PTPRZ1: variants seen among roughly 807,000 people sequenced by gnomAD.
PTPRZ1 encodes the protein receptor-type tyrosine-protein phosphatase zeta.
Under a neutral mutation model 214.1 loss-of-function variants are expected in PTPRZ1, and 82 were observed. That is an observed-to-expected ratio of 0.38 (90% CI 0.32 to 0.46). The LOEUF (loss-of-function observed/expected upper bound fraction) is 0.46. PTPRZ1 is among the 20% of genes least tolerant of loss of function. The pLI, the probability that PTPRZ1 is intolerant of heterozygous loss-of-function variation, is 1.00. For missense variants in PTPRZ1, 2,603 were observed against 2,748.7 expected (o/e 0.95, Z 1.19); for synonymous variants, 945 against 987.9 (o/e 0.96, Z 0.81).
At chr7:121,905,998 A>C (rs1326129423) in intron 1 of PTPRZ1, among the ~76,000 whole-genome samples, 1 of 152,212 alleles carries the variant, frequency 6.6e-6, no homozygotes, top group Non-Finnish European at 1.5e-5. Context: ...CCTTGACTGC[A>C]TGAGAGATTG....
chr7:121,985,400 G>T (rs552254367), intron 8 of PTPRZ1, among the ~76,000 whole-genome samples: 64 of 152,170 alleles, frequency 4.2e-4, no homozygotes, highest in Admixed American at 1.8e-3. Context: ...ACCCTTCACT[G>T]GTTCTGCATC....
intron 1 of PTPRZ1, among the ~76,000 whole-genome samples, chr7:121,903,831 ATATGGCACATAG>A (rs1019371831): frequency 1.3e-5 from 2 of 152,182 alleles, no homozygotes; most frequent in African/African-American, 4.8e-5. Flanking sequence ...ATGAAGAAAG[ATATGGCACATAG>A]TATACATTCT....
intron 2 of PTPRZ1, among the ~76,000 whole-genome samples, chr7:121,967,679 T>A (rs1797085400): frequency 6.6e-6 from 1 of 152,192 alleles, no homozygotes; most frequent in South Asian, 2.1e-4. Context: ...AAAAAGAAGA[T>A]GTTGTAGACT....
intron 27 of PTPRZ1, among the ~76,000 whole-genome samples, chr7:122,056,268 T>C (rs1272450790): frequency 1.3e-5 from 2 of 151,814 alleles, no homozygotes; most frequent in African/African-American, 4.8e-5. Flanking sequence ...ATGTTTAATA[T>C]CTTGCTCAGC....
At chr7:121,905,493 A>G (rs1346472472) in intron 1 of PTPRZ1, among the ~76,000 whole-genome samples, 3 of 152,214 alleles carry the variant, frequency 2.0e-5, no homozygotes, top group African/African-American at 7.2e-5. Context: ...GAGCATGAGC[A>G]TGAGAATCAT....
At chr7:121,989,127 A>G (rs937651486) in intron 8 of PTPRZ1, among the ~76,000 whole-genome samples, 1 of 152,220 alleles carries the variant, frequency 6.6e-6, no homozygotes, top group African/African-American at 2.4e-5. Context: ...AAGATTTATT[A>G]TGTAATAATT....
At chr7:121,995,879 G>A (rs1400980105) in intron 8 of PTPRZ1, among the ~76,000 whole-genome samples, 3 of 152,154 alleles carry the variant, frequency 2.0e-5, no homozygotes, top group Admixed American at 2.0e-4. Context: ...GAGAAATTAA[G>A]TCATCATGAG....
chr7:121,994,214 G>A (rs1337703917), intron 8 of PTPRZ1, among the ~76,000 whole-genome samples: 1 of 146,010 alleles, frequency 6.8e-6, no homozygotes, highest in South Asian at 2.2e-4. Context: ...TCCTTTGGAT[G>A]TTTTGCAATG....
At chr7:122,041,718 A>G (rs909499457) in intron 21 of PTPRZ1, among the ~76,000 whole-genome samples, 12 of 152,208 alleles carry the variant, frequency 7.9e-5, no homozygotes, top group African/African-American at 2.9e-4. Context: ...TATGTGAAGT[A>G]TTGTTATCAA....
chr7:122,034,259 G>A (rs755319037), intron 16 of PTPRZ1, 23 bp from the exon 17 acceptor site: 2 of 1,602,320 alleles, frequency 1.2e-6, no homozygotes, highest in East Asian at 4.5e-5. Context: ...GTGTTAAAAT[G>A]ATTTACATAT....
In PTPRZ1 at chr7:121,943,831, G is replaced by A. The variant is rs140530955; in HGVS notation, c.124+15610G>A. On this transcript the variant is annotated intron_variant, in intron 2 of 29. Transcript: ENST00000393386. The stretch of plus-strand genomic sequence containing the variant: ...ATACTGCAGATCTGAGGAGCCAAAC[G>A]TTGCAGTGTCTAGACTCTAGGTCAA... Among the ~76,000 whole-genome samples, 254 of 152,248 alleles carry A rather than the reference G, an allele frequency of 1.7e-3. 3 individuals carry two copies. In the South Asian group the frequency reaches 0.021, roughly 13 times the overall value.
At chr7:122,059,077 C>A in intron 28 of PTPRZ1, 135 bp downstream of exon 28, 2 of 871,008 alleles carry the variant, frequency 2.3e-6, no homozygotes, top group Non-Finnish European at 3.3e-6. Flanking sequence ...TGCATCTTAT[C>A]AATAAAGTTA....
At chr7:121,895,623 G>A (rs1794763897) in intron 1 of PTPRZ1, among the ~76,000 whole-genome samples, 1 of 152,038 alleles carries the variant, frequency 6.6e-6, no homozygotes, top group Admixed American at 6.6e-5. Context: ...GAATCTTCTA[G>A]TGTTACACAC....
intron 1 of PTPRZ1, among the ~76,000 whole-genome samples, chr7:121,917,998 A>T (rs1397177141): frequency 6.6e-6 from 1 of 152,104 alleles, no homozygotes; most frequent in Non-Finnish European, 1.5e-5. Context: ...AATTTATTAT[A>T]GTAAATGTGC....
chr7:121,924,376 T>C (rs1795693063), intron 1 of PTPRZ1, among the ~76,000 whole-genome samples: 1 of 152,130 alleles, frequency 6.6e-6, no homozygotes, highest in Non-Finnish European at 1.5e-5. Flanking sequence ...ATCTCATCTA[T>C]CAGACCTCTA....
intron 2 of PTPRZ1, among the ~76,000 whole-genome samples, chr7:121,934,384 T>C (rs917904601): frequency 6.9e-6 from 1 of 144,650 alleles, no homozygotes; most frequent in Non-Finnish European, 1.5e-5. Context: ...ATCATTAACC[T>C]ACAGACTGAC....
chr7:122,009,457 TA>T (rs56259188), intron 11 of PTPRZ1, among the ~76,000 whole-genome samples: 131,445 of 142,136 alleles, frequency 0.92, 60,872 homozygotes, highest in Non-Finnish European at 0.97. Context: ...CCACATGAAC[TA>T]AAAAAAAAAA....
At position 121,965,747 on chromosome 7, in the gene PTPRZ1, C is replaced by T. The variant is rs992472254; in HGVS notation, c.125-2204C>T. On this transcript the variant is annotated intron_variant, in intron 2 of 29. Coordinates refer to ENST00000393386, the MANE Select transcript of PTPRZ1 (RefSeq NM_002851.3). ...AAATTTTGGGAGCCAAGTCATAATT[C>T]CACTTACTACATAGGTGGTACTACT... Among the ~76,000 whole-genome samples, 4 of 152,096 alleles carry T rather than the reference C, an allele frequency of 2.6e-5. No homozygotes were observed. The East Asian group carries it at 5.8e-4, about 22-fold the overall frequency.
rs890834573 is a variant in PTPRZ1, at chr7:122,011,276, G to C, written c.2230G>C (p.Val744Leu). 1.4e-5 allele frequency: 22 copies of C among 1,613,836 alleles called. No homozygotes were observed. The highest frequency in any genetic ancestry group is 1.8e-5 in the Non-Finnish European group (21 of 1,179,948). Reference sequence around the variant, plus strand: ...GGATTTGGTCTCCACGGTCAACGTGGTATACTCGCAGACAACCCAACCGGT... The same window carrying C: ...GGATTTGGTCTCCACGGTCAACGTGCTATACTCGCAGACAACCCAACCGGT... ...QQDLVSTVNV[V>L]YSQTTQPVYN... The change falls in exon 12 of 30, where the codon GTA becomes CTA. Residue 744 changes from valine (V) to leucine (L), a missense_variant. Physicochemically the swap from Val to Leu is conservative, Grantham distance 32 (BLOSUM62 1). Around this residue, in one of 6 missense-constraint regions of PTPRZ1, gnomAD observed 1,913 missense variants for 1,914.3 expected, o/e 1.00. Transcript: ENST00000393386.
Sources: allele counts gnomAD v4.1 joint callset (sites outside exome capture counted in the v4.1 genomes callset), GRCh38; gene constraint gnomAD v4.1.1; regional missense constraint gnomAD v4.1.1; transcripts MANE v1.5; gene names NCBI Gene and HGNC (gene_info 2026-07-23, HGNC 2026-07-21).